The following PCDHA3 variants were observed in gnomAD, a reference collection of about 807,000 sequenced individuals.
The protein encoded by PCDHA3 is protocadherin alpha 3.
Under a neutral mutation model 62.2 loss-of-function variants are expected in PCDHA3, and 41 were observed. The ratio of observed to expected loss-of-function variants is 0.66; its 90% CI spans 0.51 to 0.86. The LOEUF (loss-of-function observed/expected upper bound fraction) is 0.86, where lower values mean the gene tolerates loss of function less well. PCDHA3 is among the 40% of genes least tolerant of loss of function. The probability of loss-of-function intolerance (pLI) is 0.00; values close to 1 mark genes in which losing one functional copy is unlikely to be tolerated. For synonymous variants in PCDHA3, 640 were observed against 555.4 expected (o/e 1.15, Z -2.14); for missense variants, 1,304 against 1,241.2 (o/e 1.05, Z -0.76).
chr5:140,870,731 C>G (rs782095287), intron 1 of PCDHA3: 1 of 1,613,444 alleles, frequency 6.2e-7, no homozygotes. Flanking sequence ...GGCGTGCCGC[C>G]TCTGAGCAGC....
intron 1 of PCDHA3, among the ~76,000 whole-genome samples, chr5:140,889,643 G>A (rs141216075): frequency 1.3e-4 from 20 of 152,024 alleles, no homozygotes; most frequent in African/African-American, 4.8e-4. Context: ...ATTTGTGTTT[G>A]CAGGAGATGT....
intron 1 of PCDHA3, among the ~76,000 whole-genome samples, chr5:140,881,772 C>A (rs1253242879): frequency 6.6e-6 from 1 of 152,200 alleles, no homozygotes; most frequent in Admixed American, 6.5e-5. Context: ...CATGACTATG[C>A]AGAACTACCG....
At chr5:140,999,419 G>A (rs2097856786) in intron 3 of PCDHA3, among the ~76,000 whole-genome samples, 1 of 152,182 alleles carries the variant, frequency 6.6e-6, no homozygotes, top group Non-Finnish European at 1.5e-5. Flanking sequence ...TGGGAGCTAA[G>A]AGGCCAAGTA....
chr5:140,834,325 C>A, intron 1 of PCDHA3: 3 of 1,449,214 alleles, frequency 2.1e-6, no homozygotes, highest in Non-Finnish European at 2.8e-6. Context: ...GGGATAAAAA[C>A]ATTCCTATAA....
intron 1 of PCDHA3, among the ~76,000 whole-genome samples, chr5:140,874,790 A>C (rs2055107111): frequency 6.6e-6 from 1 of 152,254 alleles, no homozygotes; most frequent in East Asian, 1.9e-4. Context: ...TCTAACTTTC[A>C]TCAGATTTAT....
chr5:140,870,695 A>C, intron 1 of PCDHA3: 1 of 1,613,024 alleles, frequency 6.2e-7, no homozygotes, highest in East Asian at 2.2e-5. Context: ...GAGCTGCTAC[A>C]GTTCCAGGTG....
Position 140,802,862 on chromosome 5 carries a change from G to A in PCDHA3, c.1665G>A (p.Val555=), listed in dbSNP as rs1554122420. The stretch of plus-strand genomic sequence containing the variant: ...GCAACGTGACGCTGCAGGTGTTCGT[G>A]CTGGACGAGAACGACAACGCGCCGG... ...LGSNVTLQVF[V]LDENDNAPAL... Residue 555 remains valine, a synonymous_variant, in exon 1 of 4, where the codon GTG becomes GTA. Coordinates refer to ENST00000522353, the MANE Select transcript of PCDHA3 (RefSeq NM_018906.3). The A allele has an allele frequency of 5.0e-6, 8 of 1,613,726 alleles. No homozygotes were observed. Among genetic ancestry groups the A allele is most frequent in the South Asian group, 3.3e-5 (3 of 91,084 alleles).
intron 1 of PCDHA3, among the ~76,000 whole-genome samples, chr5:140,961,545 C>A (rs1486984950): frequency 6.6e-6 from 1 of 152,146 alleles, no homozygotes; most frequent in Non-Finnish European, 1.5e-5. Flanking sequence ...GTTCCTGCAG[C>A]ATTTCTTTTT....
intron 3 of PCDHA3, 100 bp from the exon 4 acceptor site, chr5:141,009,527 G>A: frequency 6.6e-7 from 1 of 1,507,930 alleles, no homozygotes; most frequent in South Asian, 1.4e-5. Context: ...TTTCTGGGGA[G>A]GTTCAGCCTG....
intron 1 of PCDHA3, among the ~76,000 whole-genome samples, chr5:140,881,594 A>C (rs1464236535): frequency 6.6e-6 from 1 of 152,244 alleles, no homozygotes; most frequent in Non-Finnish European, 1.5e-5. Flanking sequence ...AGGGAAATTT[A>C]TTAATATGAT....
chr5:140,822,811 A>G, intron 1 of PCDHA3: 2 of 1,614,132 alleles, frequency 1.2e-6, no homozygotes, highest in East Asian at 4.5e-5. Flanking sequence ...GAATGATAAT[A>G]CCCCAGAGAT....
chr5:140,883,827 T>G, intron 1 of PCDHA3: 1 of 1,612,546 alleles, frequency 6.2e-7, no homozygotes, highest in South Asian at 1.1e-5. Context: ...GTGTACGCGC[T>G]GCAGCCGTTG....
At chr5:140,934,245 T>C (rs2089728870) in intron 1 of PCDHA3, among the ~76,000 whole-genome samples, 1 of 152,158 alleles carries the variant, frequency 6.6e-6, no homozygotes, top group Non-Finnish European at 1.5e-5. Context: ...ATTGTGGAGA[T>C]TTATCAAAAT....
At chr5:141,008,863 C>A (rs902385521) in intron 3 of PCDHA3, among the ~76,000 whole-genome samples, 2 of 152,204 alleles carry the variant, frequency 1.3e-5, no homozygotes, top group African/African-American at 2.4e-5. Flanking sequence ...CTCTTCCATG[C>A]TGCATCCCAC....
In PCDHA3 at chr5:140,996,798, A is replaced by G. The variant is rs528740592; in HGVS notation, c.2543-12829A>G. Among the ~76,000 whole-genome samples, 4 of 152,268 alleles carry G rather than the reference A, an allele frequency of 2.6e-5. No individual in the cohort carries two copies. In the East Asian group the frequency reaches 5.8e-4, roughly 22 times the overall value. ...AGTAGTGCCTCACTCCCTACATCCA[A>G]TCATGCTTTCCAAAAGTAACCACTA... On this transcript the variant is annotated intron_variant, in intron 3 of 3. Coordinates refer to ENST00000522353, the MANE Select transcript of PCDHA3 (RefSeq NM_018906.3).
chr5:140,848,313 C>G lies in PCDHA3; in HGVS notation c.2394+44722C>G, dbSNP rs1781433977. ...TGGGCCACGTGATGTCACTCTTTGCCGCGATGTTCTCTCTGAATCCAGACA... is the reference window on the plus strand; with the variant it reads ...TGGGCCACGTGATGTCACTCTTTGCGGCGATGTTCTCTCTGAATCCAGACA... On this transcript the variant is annotated intron_variant, in intron 1 of 3. Transcript: ENST00000522353. 8 of 730,624 alleles carry G rather than the reference C, an allele frequency of 1.1e-5. 1 individual carries two copies. Among genetic ancestry groups the G allele is most frequent in the Non-Finnish European group, 1.8e-5 (8 of 440,500 alleles). The allele number at this position is 730,624 out of a possible 1,614,324, so 45.3% of individuals were successfully genotyped here.
intron 1 of PCDHA3, chr5:140,836,186 A>C (rs2150254902): frequency 6.2e-7 from 1 of 1,613,806 alleles, no homozygotes; most frequent in Non-Finnish European, 8.5e-7. Context: ...ACGCTGACTC[A>C]GGCTACAACG....
intron 3 of PCDHA3, among the ~76,000 whole-genome samples, chr5:141,004,902 G>A (rs1554259808): frequency 1.3e-5 from 2 of 152,084 alleles, no homozygotes; most frequent in African/African-American, 4.8e-5. Flanking sequence ...GCTCTGCCAG[G>A]GTGTAAGGAA....
intron 1 of PCDHA3, chr5:140,883,326 C>T (rs374138267): frequency 3.1e-6 from 5 of 1,614,044 alleles, no homozygotes; most frequent in Admixed American, 1.7e-5. Flanking sequence ...GTTACCATCA[C>T]TTCTTTGTCA....
Sources: gnomAD v4.1 joint callset for allele counts (sites outside exome capture counted in the v4.1 genomes callset) on GRCh38, gnomAD v4.1.1 for gene constraint, MANE v1.5 for transcripts, NCBI Gene and HGNC (gene_info 2026-07-23, HGNC 2026-07-21) for gene names.